The following SLC44A1 variants were observed in gnomAD, a reference collection of about 807,000 sequenced individuals.
The protein encoded by SLC44A1 is solute carrier family 44 member 1.
Under a neutral mutation model 79.3 loss-of-function variants are expected in SLC44A1, and 26 were observed. That is an observed-to-expected ratio of 0.33 (90% confidence interval 0.24 to 0.46). The LOEUF (loss-of-function observed/expected upper bound fraction) is 0.46, where lower values mean the gene tolerates loss of function less well. Ranked by LOEUF, SLC44A1 falls within the 20% of genes least tolerant of loss-of-function variation. SLC44A1 has a pLI of 1.00. For missense variants in SLC44A1, 688 were observed against 798.1 expected (o/e 0.86, Z 1.66); for synonymous variants, 263 against 286.2 (o/e 0.92, Z 0.82).
chr9:105,342,258 A>T (rs999739245), intron 4 of SLC44A1, among the ~76,000 whole-genome samples: 45 of 152,334 alleles, frequency 3.0e-4, no homozygotes, highest in African/African-American at 1.1e-3. Context: ...GCTTAGTAGC[A>T]TGATGAAATC....
chr9:105,248,182 A>G (rs896246348), intron 1 of SLC44A1, among the ~76,000 whole-genome samples: 1 of 152,220 alleles, frequency 6.6e-6, no homozygotes, highest in South Asian at 2.1e-4. Flanking sequence ...AAGCTCTGGC[A>G]GGTTTTATCA....
At chr9:105,305,842 C>CTTTTTTTTT (rs1564426808) in intron 2 of SLC44A1, among the ~76,000 whole-genome samples, 1 of 134,382 alleles carries the variant, frequency 7.4e-6, no homozygotes, top group African/African-American at 3.0e-5. Context: ...AAAAGTGTGT[C>CTTTTTTTTT]CTTTTTTTTT....
At chr9:105,353,345 C>T (rs1439527633) in intron 5 of SLC44A1, among the ~76,000 whole-genome samples, 1 of 152,112 alleles carries the variant, frequency 6.6e-6, no homozygotes, top group African/African-American at 2.4e-5. Context: ...CCCAGCATTT[C>T]CTCCTAAATA....
chr9:105,297,840 G>A (rs772172129), intron 1 of SLC44A1, among the ~76,000 whole-genome samples: 2 of 152,136 alleles, frequency 1.3e-5, no homozygotes, highest in African/African-American at 4.8e-5. Context: ...GCCCCCTCCT[G>A]CTCATGCCCT....
chr9:105,429,569 C>G (rs1349803073), intron 15 of SLC44A1, among the ~76,000 whole-genome samples: 2 of 152,162 alleles, frequency 1.3e-5, no homozygotes, highest in African/African-American at 4.8e-5. Context: ...TCTCAAAGTG[C>G]TGAGATTATA....
In SLC44A1 at chr9:105,361,349, G is replaced by C. The variant is rs557955928; in HGVS notation, c.900+19G>C. ...GTTCACAGTGAGTTTAGGCTTTGGC[G>C]TGTCTTTCGGTTTTGTGTTTTTGTT... On this transcript the variant is annotated intron_variant, in intron 8 of 15. Transcript: ENST00000374720. The C allele has an allele frequency of 3.3e-5, 52 of 1,558,210 alleles. 1 individual carries two copies. In the South Asian group the frequency reaches 5.2e-4, roughly 16 times the overall value.
intron 15 of SLC44A1, among the ~76,000 whole-genome samples, chr9:105,421,513 C>T (rs1431474637): frequency 1.3e-5 from 2 of 151,476 alleles, no homozygotes; most frequent in Non-Finnish European, 2.9e-5. Context: ...TAGTAACCCA[C>T]ATTCAGAGAA....
downstream of SLC44A1, among the ~76,000 whole-genome samples, chr9:105,398,771 C>G (rs1416150085): frequency 6.6e-6 from 1 of 152,142 alleles, no homozygotes; most frequent in Non-Finnish European, 1.5e-5. Context: ...TCGAGAGGCT[C>G]TTTGGCCTCA....
chr9:105,257,520 G>A (rs908450526), intron 1 of SLC44A1, among the ~76,000 whole-genome samples: 1 of 152,184 alleles, frequency 6.6e-6, no homozygotes, highest in African/African-American at 2.4e-5. Flanking sequence ...ATGAGCTACC[G>A]TGCCTGGCTC....
At chr9:105,262,385 A>G (rs1372589363) in intron 1 of SLC44A1, among the ~76,000 whole-genome samples, 1 of 152,208 alleles carries the variant, frequency 6.6e-6, no homozygotes, top group African/African-American at 2.4e-5. Context: ...GCCTGTATGC[A>G]AGTCACAATG....
chr9:105,377,963 G>C (rs1315103929), intron 13 of SLC44A1, among the ~76,000 whole-genome samples: 2 of 151,580 alleles, frequency 1.3e-5, no homozygotes, highest in African/African-American at 4.8e-5. Flanking sequence ...AAATCTAGTA[G>C]AGGGCCGGGC....
intron 2 of SLC44A1, chr9:105,300,078 A>G (rs189183058): frequency 3.5e-6 from 1 of 282,864 alleles, no homozygotes; most frequent in East Asian, 1.8e-4. Flanking sequence ...AAGCGGTCTG[A>G]TATTTAGAAG....
At chr9:105,416,018 C>T (rs1829166511) in intron 15 of SLC44A1, among the ~76,000 whole-genome samples, 1 of 150,834 alleles carries the variant, frequency 6.6e-6, no homozygotes, top group African/African-American at 2.4e-5. Context: ...TCTCCTACGT[C>T]AGCCTCCCAA....
At chr9:105,325,368 T>G (rs1050927769) in intron 3 of SLC44A1, among the ~76,000 whole-genome samples, 3 of 152,208 alleles carry the variant, frequency 2.0e-5, no homozygotes, top group African/African-American at 7.2e-5. Flanking sequence ...GGATGATGTA[T>G]TCACTCGTTT....
intron 5 of SLC44A1, among the ~76,000 whole-genome samples, chr9:105,351,723 A>C (rs1827454622): frequency 6.6e-6 from 1 of 152,148 alleles, no homozygotes; most frequent in Non-Finnish European, 1.5e-5. Flanking sequence ...GGAGGATTCA[A>C]GGATAAATTA....
rs1196670713 is a variant in SLC44A1 at position 105,416,918 on chromosome 9, T to A, written c.1951-21363T>A. ...TCAAAAGGCCTAAGATTATATCTATTAATTGAGAATTTCATGCAGATTAAA... is the reference window on the plus strand; with the variant it reads ...TCAAAAGGCCTAAGATTATATCTATAAATTGAGAATTTCATGCAGATTAAA... On this transcript the variant is annotated intron_variant, in intron 15 of 15. Transcript: ENST00000374724. Among the ~76,000 whole-genome samples the A allele has an allele frequency of 5.3e-5, 8 of 152,362 alleles. No individual in the cohort carries two copies. The East Asian group carries it at 1.3e-3, about 26-fold the overall frequency.
intron 5 of SLC44A1, among the ~76,000 whole-genome samples, chr9:105,352,725 G>A (rs1489466453): frequency 6.6e-6 from 1 of 152,058 alleles, no homozygotes; most frequent in Non-Finnish European, 1.5e-5. Flanking sequence ...CTCCTCAAAA[G>A]TATTATTTTC....
chr9:105,338,633 C>T (rs1270592348), intron 4 of SLC44A1, among the ~76,000 whole-genome samples: 1 of 152,128 alleles, frequency 6.6e-6, no homozygotes, highest in Non-Finnish European at 1.5e-5. Context: ...AGGCTGGTGT[C>T]AAACTCCTAG....
intron 1 of SLC44A1, among the ~76,000 whole-genome samples, chr9:105,282,592 A>T (rs969677731): frequency 6.6e-6 from 1 of 151,874 alleles, no homozygotes. Context: ...TCTGTCAGCC[A>T]GGCTGGAGTG....
Sources: gnomAD v4.1 joint callset for allele counts (sites outside exome capture counted in the v4.1 genomes callset) on GRCh38, gnomAD v4.1.1 for gene constraint, MANE v1.5 for transcripts, NCBI Gene and HGNC (gene_info 2026-07-23, HGNC 2026-07-21) for gene names.